The following TPR variants were observed in gnomAD, a reference collection of about 807,000 sequenced individuals.
TPR encodes translocated promoter region, nuclear basket protein, also known as nucleoprotein TPR.
Under a neutral mutation model 316.1 loss-of-function variants are expected in TPR, and 51 were observed. The ratio of observed to expected loss-of-function variants is 0.16; its 90% confidence interval spans 0.13 to 0.20. The LOEUF (loss-of-function observed/expected upper bound fraction) is 0.20, where lower values mean the gene tolerates loss of function less well. Among genes scored for constraint, TPR ranks in the 10% least tolerant of loss-of-function variants. The probability of loss-of-function intolerance (pLI) is 1.00; values close to 1 mark genes in which losing one functional copy is unlikely to be tolerated. For missense variants in TPR, 2,272 were observed against 2,754.8 expected (o/e 0.82, Z 3.92); for synonymous variants, 981 against 914.7 (o/e 1.07, Z -1.31).
chr1:186,341,177 A>G lies in TPR; in HGVS notation c.3889-18T>C. ...TTCCTCACCTGAAAATCATGCCAAT[A>G]TTTAACAACAAATGTAAAAATTCAT... On this transcript the variant is annotated intron_variant, in intron 28 of 50. Coordinates refer to ENST00000367478, the MANE Select transcript of TPR (RefSeq NM_003292.3). 1 of 1,613,042 alleles carries G rather than the reference A, an allele frequency of 6.2e-7. No individual in the cohort carries two copies. Among genetic ancestry groups the G allele is most frequent in the Non-Finnish European group, 8.5e-7 (1 of 1,179,772 alleles).
chr1:186,344,269 C>T, intron 25 of TPR, 106 bp downstream of exon 25: 7 of 1,428,100 alleles, frequency 4.9e-6, no homozygotes, highest in Non-Finnish European at 6.7e-6. Context: ...CCATTGCACT[C>T]CAGCATGGGT....
intron 4 of TPR, among the ~76,000 whole-genome samples, chr1:186,363,725 A>G (rs1401840078): frequency 5.3e-5 from 8 of 152,124 alleles, no homozygotes. Context: ...AAGCTACTGT[A>G]AGTGCATAAT....
In TPR at chr1:186,325,808, C is replaced by A; in HGVS notation, c.6068G>T (p.Gly2023Val). Reference protein sequence around the residue: ...DPGTETEESMGGGEGNHRAAD... With the variant: ...DPGTETEESMVGGEGNHRAAD... ...AGCTCTGTGATTACCTTCACCTCCA[C>A]CCATACTTTCTTCTGTTTCTGTACC... The change falls in exon 42 of 51, where the codon GGT (glycine) becomes GTT (valine). Residue 2023 changes from glycine to valine, a missense_variant. Around this residue, in one of 10 missense-constraint regions of TPR, gnomAD observed 435 missense variants for 461.1 expected, o/e 0.94. Transcript: ENST00000367478. 6.2e-7 allele frequency: 1 copy of A among 1,613,706 alleles called. No homozygotes were observed. The highest frequency in any genetic ancestry group is 8.5e-7 in the Non-Finnish European group (1 of 1,179,742).
chr1:186,346,330 T>G, intron 22 of TPR, 43 bp from the exon 23 acceptor site: 1 of 1,536,226 alleles, frequency 6.5e-7, no homozygotes, highest in Non-Finnish European at 8.8e-7. Context: ...ATTACACACA[T>G]TTAAAGTCAT....
Position 186,350,189 on chromosome 1 carries a change from T to C in TPR, c.2776+34A>G, listed in dbSNP as rs777839973. On this transcript the variant is annotated intron_variant, in intron 21 of 50. Transcript: ENST00000367478. ...TATAATCCCAAGAAGTACTTGTTTATTTACAATTATATTGGTCTACTTATT... is the reference window on the plus strand; with the variant it reads ...TATAATCCCAAGAAGTACTTGTTTACTTACAATTATATTGGTCTACTTATT... The C allele has an allele frequency of 1.9e-6, 3 of 1,541,354 alleles. No individual in the cohort carries two copies. In the South Asian group the frequency reaches 3.7e-5, roughly 19 times the overall value.
chr1:186,322,481 G>A (rs369099852), intron 44 of TPR, 37 bp downstream of exon 44: 322 of 1,613,018 alleles, frequency 2.0e-4, no homozygotes, highest in Non-Finnish European at 2.7e-4. Context: ...ATCTGCTCAA[G>A]AAATGAATTA....
chr1:186,316,237 C>CT (rs1242928319), intron 49 of TPR, among the ~76,000 whole-genome samples: 1 of 152,048 alleles, frequency 6.6e-6, no homozygotes, highest in African/African-American at 2.4e-5. Flanking sequence ...TTAAGCCTTA[C>CT]TGCGTATGAA....
At chr1:186,318,905 A>C (rs1418225144) in intron 46 of TPR, 77 bp from the exon 47 acceptor site, 57 of 1,358,662 alleles carry the variant, frequency 4.2e-5, no homozygotes, top group Middle Eastern at 2.3e-4. Context: ...GTGAAAGAAA[A>C]ATATTAATTA....
chr1:186,333,374 C>T lies in TPR; in HGVS notation c.5203G>A (p.Val1735Met). The T allele has an allele frequency of 1.9e-6, 3 of 1,613,340 alleles. No individual in the cohort carries two copies. The highest frequency in any genetic ancestry group is 2.5e-6 in the Non-Finnish European group (3 of 1,179,572). Reference sequence around the variant, plus strand: ...CTTCCAAAAACTGGAACATGTTCCACAGGCCCTTCTGACTGCATAGCTGAA... The same window carrying T: ...CTTCCAAAAACTGGAACATGTTCCATAGGCCCTTCTGACTGCATAGCTGAA... The part of the protein sequence containing the change: ...SQEAMQSEGP[V>M]EHVPVFGSTS... The change falls in exon 37 of 51, where the codon GTG becomes ATG. Residue 1735 changes from valine (V) to methionine (M), a missense_variant. By Grantham distance (21) the Val-to-Met change is conservative. Around this residue, in one of 10 missense-constraint regions of TPR, gnomAD observed 435 missense variants for 461.1 expected, o/e 0.94. Coordinates refer to ENST00000367478, the MANE Select transcript of TPR (RefSeq NM_003292.3).
chr1:186,317,422 T>C (rs201169681), intron 49 of TPR, 60 bp downstream of exon 49: 172 of 1,271,350 alleles, frequency 1.4e-4, no homozygotes, highest in Non-Finnish European at 1.9e-4. Flanking sequence ...AATAAAGCAG[T>C]GTTTTCACAA....
In TPR at chr1:186,374,744, G is replaced by T. The variant is rs999821318; in HGVS notation, c.151+134C>A. The T allele has an allele frequency of 1.7e-5, 16 of 920,286 alleles. No individual in the cohort carries two copies. In the Admixed American group the frequency reaches 3.4e-4, roughly 20 times the overall value. 57.0% of individuals were successfully genotyped at this position (920,286 alleles called of 1,614,324 possible). The stretch of plus-strand genomic sequence containing the variant: ...AAACTGTAAGGAGCAGGAAAGCGAA[G>T]GCTCAGGATATCCACAGAGCCCAGG... On this transcript the variant is annotated intron_variant, in intron 1 of 50. Transcript: ENST00000367478.
intron 9 of TPR, 116 bp from the exon 10 acceptor site, chr1:186,361,021 G>T (rs1471014559): frequency 9.2e-7 from 1 of 1,087,156 alleles, no homozygotes; most frequent in Non-Finnish European, 1.3e-6. Flanking sequence ...TTCTAGAGAG[G>T]CTTCAGCTGA....
chr1:186,349,420 G>A (rs565415738), intron 21 of TPR, among the ~76,000 whole-genome samples: 6 of 152,056 alleles, frequency 3.9e-5, no homozygotes, highest in Non-Finnish European at 7.4e-5. Flanking sequence ...TTGGGAGGCC[G>A]CGGCGGGCAG....
At position 186,317,563 on chromosome 1, in the gene TPR, G is replaced by C; in HGVS notation, c.6859C>G (p.Gln2287Glu). ...GATGCTTGAACCGGCTCTTCTTCCT[G>C]CTGGCTATCAATTTCTAGGCCTGCT... ...SEAGLEIDSQ[Q>E]EEEPVQASDE... Residue 2287 changes from glutamine (Q) to glutamate (E), a missense_variant, in exon 49 of 51, where the codon CAG (glutamine) becomes GAG (glutamate). By Grantham distance (29) the Gln-to-Glu change is conservative (BLOSUM62 2). Coordinates refer to ENST00000367478, the MANE Select transcript of TPR (RefSeq NM_003292.3). 6.2e-7 allele frequency: 1 copy of C among 1,614,044 alleles called. No individual in the cohort carries two copies. Among genetic ancestry groups the C allele is most frequent in the Non-Finnish European group, 8.5e-7 (1 of 1,180,006 alleles).
rs190264128 is a variant in TPR, at chr1:186,329,526, C to G, written c.5689-1866G>C. On this transcript the variant is annotated intron_variant, in intron 39 of 50. Transcript: ENST00000367478. ...TTTATACACACAGCCTGAAGTTAAT[C>G]TGACACAATATTTTTAATAGTTTTG... is the stretch of plus-strand genomic sequence containing the variant. Among the ~76,000 whole-genome samples the G allele has an allele frequency of 6.4e-3, 968 of 152,248 alleles. 12 individuals are homozygous for G. The highest frequency in any genetic ancestry group is 6.7e-3 in the Non-Finnish European group (453 of 68,014).
In TPR at chr1:186,337,684, A is replaced by AT. The variant is rs1232310411; in HGVS notation, c.4362+348dup. 2.6e-5 allele frequency among the ~76,000 whole-genome samples: 4 copies of AT among 152,140 alleles called. No individual in the cohort carries two copies. In the South Asian group the frequency reaches 8.3e-4, roughly 32 times the overall value. On this transcript the variant is annotated intron_variant, in intron 31 of 50. Transcript: ENST00000367478. Reference sequence around the variant, plus strand: ...ATATAAATATAACAAAGATTTCTGAATTTTTTTGATAGGTGGTTAACATAA... The same window carrying AT: ...ATATAAATATAACAAAGATTTCTGAATTTTTTTTGATAGGTGGTTAACATAA...
chr1:186,334,665 T>C, intron 35 of TPR, 132 bp from the exon 36 acceptor site: 2 of 970,944 alleles, frequency 2.1e-6, no homozygotes, highest in South Asian at 1.8e-5. Flanking sequence ...CTGTTTTGAA[T>C]TTAAGCATTA....
rs1347588532 is a variant in TPR, at chr1:186,313,265, T to G, written c.*706A>C. On this transcript the variant is annotated 3_prime_UTR_variant, in exon 51 of 51. Transcript: ENST00000367478. ...GATCAGAAAGAAGTTCCTGAGAAAC[T>G]AATTTTATTAATTAAATTATATTAC... The G allele has an allele frequency of 3.2e-6, 1 of 308,550 alleles. No individual in the cohort carries two copies. The highest frequency in any genetic ancestry group is 4.6e-5 in the Admixed American group (1 of 21,506). 19.1% of individuals were successfully genotyped at this position (308,550 alleles called of 1,614,324 possible). A position where few individuals can be genotyped will look rare whatever the true frequency, so the allele number is the denominator to read the frequency against.
At position 186,332,719 on chromosome 1, in the gene TPR, C is replaced by T. The variant is rs575988480; in HGVS notation, c.5456-376G>A. On this transcript the variant is annotated intron_variant, in intron 37 of 50. Coordinates refer to ENST00000367478, the MANE Select transcript of TPR (RefSeq NM_003292.3). ...CTCCTTGAATAAGAAAAAATGTACA[C>T]TGTATGTAAATCAGTATATAGTCTT... 3.2e-4 allele frequency among the ~76,000 whole-genome samples: 48 copies of T among 152,180 alleles called. No individual in the cohort carries two copies. In the South Asian group the frequency reaches 4.6e-3, roughly 14 times the overall value.
Sources: allele counts gnomAD v4.1 joint callset (sites outside exome capture counted in the v4.1 genomes callset), GRCh38; gene constraint gnomAD v4.1.1; regional missense constraint gnomAD v4.1.1; transcripts MANE v1.5; gene names NCBI Gene and HGNC (gene_info 2026-07-23, HGNC 2026-07-21).